Variants in LLGL2 observed in about 807,000 individuals in gnomAD.
LLGL2 encodes LLGL2, scribble cell polarity complex component.
LLGL2 carries 81 observed loss-of-function variants against 123.2 expected under a neutral mutation model. The ratio of observed to expected loss-of-function variants is 0.66; its 90% CI spans 0.55 to 0.79. The LOEUF is 0.79. Among genes scored for constraint, LLGL2 ranks in the 30% least tolerant of loss-of-function variants. LLGL2 has a pLI of 0.00. For synonymous variants in LLGL2, 577 were observed against 594.1 expected (o/e 0.97, Z 0.42); for missense variants, 1,273 against 1,414.6 (o/e 0.90, Z 1.61).
intron 2 of LLGL2, among the ~76,000 whole-genome samples, chr17:75,554,480 T>C (rs892781363): frequency 4.0e-5 from 6 of 150,392 alleles, no homozygotes; most frequent in African/African-American, 9.8e-5. Context: ...GTGTGGCAGG[T>C]GTGGTGGTGC....
In LLGL2 at chr17:75,559,195, C is replaced by G; in HGVS notation, c.372-57C>G. 1 of 1,507,362 alleles carries G rather than the reference C, an allele frequency of 6.6e-7. No homozygotes were observed. The allele number at this position is 1,507,362 out of a possible 1,614,324, so 93.4% of individuals were successfully genotyped here. ...TTCCGAGGAGTCAGGGGACCCCGTC[C>G]ATGGCATCTCCCCTGCTGGGCAGTG... On this transcript the variant is annotated intron_variant, in intron 5 of 25. Coordinates refer to ENST00000392550, the MANE Select transcript of LLGL2 (RefSeq NM_001031803.2). This position sits in a 1 kb window ranked among gnomAD's most constrained non-coding sequence, Gnocchi z 4.6.
intron 1 of LLGL2, among the ~76,000 whole-genome samples, chr17:75,541,715 C>CTTTTTTTT (rs56656168): frequency 6.3e-4 from 20 of 31,546 alleles, no homozygotes; most frequent in Non-Finnish European, 8.6e-4. Context: ...TGTGGCTCTG[C>CTTTTTTTT]TTTTTTTTTT....
At chr17:75,526,533 T>C (rs1032503996) in intron 1 of LLGL2, among the ~76,000 whole-genome samples, 2 of 152,168 alleles carry the variant, frequency 1.3e-5, no homozygotes, top group African/African-American at 4.8e-5. Flanking sequence ...GTGGACACGC[T>C]GGGCCTTGGC....
chr17:75,552,653 G>A (rs1053915008), intron 2 of LLGL2, among the ~76,000 whole-genome samples: 9 of 152,130 alleles, frequency 5.9e-5, no homozygotes, highest in African/African-American at 2.2e-4. Context: ...ATCTTTTTTG[G>A]AAGTACTAGA....
chr17:75,551,487 A>C (rs1308347725), intron 2 of LLGL2, among the ~76,000 whole-genome samples: 2 of 105,136 alleles, frequency 1.9e-5, no homozygotes, highest in South Asian at 3.4e-4. Flanking sequence ...GAAGGTGGGG[A>C]TGGGGGGGAG....
intron 2 of LLGL2, among the ~76,000 whole-genome samples, chr17:75,548,320 C>T (rs149804622): frequency 0.03 from 4,544 of 149,626 alleles, 254 homozygotes; most frequent in African/African-American, 0.11. Context: ...TCTTGTTGCC[C>T]GGGCTGGAGT....
chr17:75,571,888 C>T lies in LLGL2; in HGVS notation c.2294-10C>T, dbSNP rs1265341328. 1.9e-6 allele frequency: 3 copies of T among 1,611,408 alleles called. No homozygotes were observed. Among genetic ancestry groups the T allele is most frequent in the Non-Finnish European group, 2.5e-6 (3 of 1,179,896 alleles). Reference sequence around the variant, plus strand: ...CCTCACCAGCCCCAACACCCACCTCCTCCCCCTAGCCAAGGAGATCCAGCT... The same window carrying T: ...CCTCACCAGCCCCAACACCCACCTCTTCCCCCTAGCCAAGGAGATCCAGCT... On this transcript the variant is annotated splice_polypyrimidine_tract_variant and intron_variant, in intron 18 of 25. Transcript: ENST00000392550.
chr17:75,565,337 T>C (rs960511), intron 10 of LLGL2, among the ~76,000 whole-genome samples: 53,749 of 152,142 alleles, frequency 0.35, 10,960 homozygotes, highest in African/African-American at 0.58. Flanking sequence ...CTCCTAATGA[T>C]GCTGGCCTGA....
At chr17:75,565,899 T>C (rs2055424406) in intron 10 of LLGL2, among the ~76,000 whole-genome samples, 1 of 152,206 alleles carries the variant, frequency 6.6e-6, no homozygotes, top group Non-Finnish European at 1.5e-5. Flanking sequence ...GGCCCTGTTC[T>C]AGAAACAGAT....
chr17:75,555,870 CAG>C (rs148381816), intron 2 of LLGL2, among the ~76,000 whole-genome samples, 174 bp from the exon 3 acceptor site: 3,927 of 152,240 alleles, frequency 0.026, 65 homozygotes, highest in Middle Eastern at 0.11. Context: ...CACAAAGGGA[CAG>C]GGGGTGGGGC....
chr17:75,574,154 A>T (rs1248515433), intron 22 of LLGL2, 59 bp from the exon 23 acceptor site: 1 of 1,522,030 alleles, frequency 6.6e-7, no homozygotes, highest in Non-Finnish European at 8.8e-7. Flanking sequence ...GTAAGGAGAG[A>T]GAGAGCCAGG....
rs764035220 is a variant in LLGL2, at chr17:75,571,121, TG to T, written c.2176+27del. 1.4e-5 allele frequency: 13 copies of T among 931,362 alleles called. 1 individual carries two copies. Among genetic ancestry groups the T allele is most frequent in the East Asian group, 1.1e-4 (3 of 27,038 alleles). The allele number at this position is 931,362 out of a possible 1,614,324, so 57.7% of individuals were successfully genotyped here. On this transcript the variant is annotated intron_variant, in intron 17 of 25. Transcript: ENST00000392550. ...GGACAGTGAGTGGCCAGCCTGGGGT[TG>T]GGGGGCAGGGGGTAGTGGGCAGCAG...
chr17:75,574,051 GA>G (rs2055858927), intron 22 of LLGL2, 71 bp downstream of exon 22: 1 of 1,550,252 alleles, frequency 6.5e-7, no homozygotes. Flanking sequence ...GGACGGGAGG[GA>G]AGGGTCCCGA....
In LLGL2 at chr17:75,571,843, T is replaced by C; in HGVS notation, c.2294-55T>C. 2.5e-6 allele frequency: 4 copies of C among 1,604,784 alleles called. No homozygotes were observed. In the South Asian group the frequency reaches 3.3e-5, roughly 13 times the overall value. On this transcript the variant is annotated intron_variant, in intron 18 of 25. Transcript: ENST00000392550. Reference sequence around the variant, plus strand: ...GGCTGCCTGGGCTGGGTCCAGGGAGTGGCTCCAGCCCTGCCACCCCCTCAC... The same window carrying C: ...GGCTGCCTGGGCTGGGTCCAGGGAGCGGCTCCAGCCCTGCCACCCCCTCAC...
At position 75,558,265 on chromosome 17, in the gene LLGL2, C is replaced by A; in HGVS notation, c.255+29C>A. The A allele has an allele frequency of 6.3e-7, 1 of 1,586,668 alleles. No homozygotes were observed. The highest frequency in any genetic ancestry group is 8.6e-7 in the Non-Finnish European group (1 of 1,159,004). On this transcript the variant is annotated intron_variant, in intron 4 of 25. Coordinates refer to ENST00000392550, the MANE Select transcript of LLGL2 (RefSeq NM_001031803.2). This position sits in a 1 kb window ranked among gnomAD's most constrained non-coding sequence, Gnocchi z 4.0. ...AGGGACCTGGGGTGGGACAGGAAGC[C>A]ACTTCCATGCCCTCCTTGCCTTCAC...
chr17:75,528,450 A>T (rs1022663451), intron 1 of LLGL2, among the ~76,000 whole-genome samples: 1 of 152,078 alleles, frequency 6.6e-6, no homozygotes, highest in Admixed American at 6.5e-5. Flanking sequence ...ACATTAAAAG[A>T]AAAAAAGGCC....
intron 1 of LLGL2, among the ~76,000 whole-genome samples, chr17:75,528,519 G>A (rs568920653): frequency 5.9e-5 from 9 of 152,168 alleles, no homozygotes; most frequent in Admixed American, 2.6e-4. Context: ...TGGGCCGATC[G>A]CCTGAGGTCA....
rs572897345 is a variant in LLGL2, at chr17:75,533,412, C to A, written c.-31+7587C>A. 2.0e-4 allele frequency among the ~76,000 whole-genome samples: 29 copies of A among 146,046 alleles called. No homozygotes were observed. In the Middle Eastern group the frequency reaches 0.012, roughly 58 times the overall value. On this transcript the variant is annotated intron_variant, in intron 1 of 25. Coordinates refer to ENST00000392550, the MANE Select transcript of LLGL2 (RefSeq NM_001031803.2). The stretch of plus-strand genomic sequence containing the variant: ...CTCCGCCTCCCAGGTTCACACCATT[C>A]TCCTGCCTCAGCCTCCTGAGTAGCT...
intron 1 of LLGL2, among the ~76,000 whole-genome samples, chr17:75,541,107 C>T (rs895489529): frequency 1.3e-5 from 2 of 152,210 alleles, no homozygotes; most frequent in Non-Finnish European, 2.9e-5. Context: ...CCTCCTGATG[C>T]CATTGCTACA....
Sources: gnomAD v4.1 joint callset for allele counts (sites outside exome capture counted in the v4.1 genomes callset) on GRCh38, gnomAD v4.1.1 for gene constraint, Gnocchi (gnomAD v3.1) non-coding constraint, MANE v1.5 for transcripts, NCBI Gene and HGNC (gene_info 2026-07-23, HGNC 2026-07-21) for gene names.